The following GSE1 variants were observed in gnomAD, a reference collection of about 807,000 sequenced individuals.
GSE1 encodes Gse1 coiled-coil protein.
In GSE1, 32 loss-of-function variants were observed where a neutral mutation model predicts 112.6. The ratio of observed to expected loss-of-function variants is 0.28; its 90% CI spans 0.21 to 0.38. The LOEUF (loss-of-function observed/expected upper bound fraction) is 0.38. Among genes scored for constraint, GSE1 ranks in the 10% least tolerant of loss-of-function variants. The pLI is 1.00. For synonymous variants in GSE1, 1,115 were observed against 735.6 expected (o/e 1.52, Z -8.35); for missense variants, 2,348 against 1,699.2 (o/e 1.38, Z -6.71).
At chr16:85,537,326 G>A (rs539360276) in intron 2 of GSE1, among the ~76,000 whole-genome samples, 52 of 152,364 alleles carry the variant, frequency 3.4e-4, no homozygotes, top group African/African-American at 1.2e-3. Context: ...GAGCAGGGGA[G>A]TGGAGAGAGG....
intron 1 of GSE1, among the ~76,000 whole-genome samples, chr16:85,571,072 T>C (rs904342130): frequency 6.6e-6 from 1 of 152,212 alleles, no homozygotes; most frequent in African/African-American, 2.4e-5. Flanking sequence ...CCACAAACTG[T>C]ACTGTGTACT....
intron 2 of GSE1, among the ~76,000 whole-genome samples, chr16:85,477,949 G>C (rs888252646): frequency 6.6e-6 from 1 of 152,090 alleles, no homozygotes; most frequent in Admixed American, 6.6e-5. Context: ...CCATGGTGTT[G>C]AGTCATCACG....
intron 1 of GSE1, among the ~76,000 whole-genome samples, chr16:85,630,508 A>C (rs1272353841): frequency 6.6e-6 from 1 of 152,156 alleles, no homozygotes; most frequent in Non-Finnish European, 1.5e-5. Context: ...ATTTACAGAG[A>C]CAGCGTCTAT....
chr16:85,258,541 T>A (rs1257178944), intron 1 of GSE1, among the ~76,000 whole-genome samples: 1 of 152,180 alleles, frequency 6.6e-6, no homozygotes, highest in South Asian at 2.1e-4. Context: ...TGCCACCCCT[T>A]CCCGCCTGCC....
chr16:85,328,209 G>T (rs983819683), intron 1 of GSE1, among the ~76,000 whole-genome samples: 3 of 152,240 alleles, frequency 2.0e-5, no homozygotes, highest in African/African-American at 7.2e-5. Context: ...AGGCCTGGCA[G>T]GCCCCTTTCC....
chr16:85,317,556 G>C (rs2046012089), intron 1 of GSE1, among the ~76,000 whole-genome samples: 1 of 151,938 alleles, frequency 6.6e-6, no homozygotes, highest in South Asian at 2.1e-4. Flanking sequence ...CCCACAGTGA[G>C]TGTTGGTGAG....
intron 2 of GSE1, among the ~76,000 whole-genome samples, chr16:85,641,479 G>T (rs898709764): frequency 1.5e-4 from 23 of 151,856 alleles, no homozygotes; most frequent in African/African-American, 4.3e-4. Flanking sequence ...GACGCAGGCC[G>T]CGGGTCGGGA....
chr16:85,238,957 C>T (rs774643758), intron 1 of GSE1, among the ~76,000 whole-genome samples: 2 of 151,974 alleles, frequency 1.3e-5, no homozygotes, highest in African/African-American at 4.8e-5. Flanking sequence ...TGAGATGGAG[C>T]CTCGTTCTTG....
intron 1 of GSE1, among the ~76,000 whole-genome samples, chr16:85,586,655 C>T (rs956376544): frequency 3.9e-5 from 6 of 152,214 alleles, no homozygotes; most frequent in Admixed American, 2.0e-4. Flanking sequence ...CCCCGACTGC[C>T]GTGCTCCATG....
At chr16:85,433,972 G>A (rs1597741163) in intron 2 of GSE1, among the ~76,000 whole-genome samples, 1 of 152,120 alleles carries the variant, frequency 6.6e-6, no homozygotes, top group African/African-American at 2.4e-5. Flanking sequence ...TATCCCTAGT[G>A]GAAAGGGGGA....
chr16:85,225,428 G>A (rs558127257), intron 1 of GSE1, among the ~76,000 whole-genome samples: 1 of 152,296 alleles, frequency 6.6e-6, no homozygotes, highest in Admixed American at 6.5e-5. Flanking sequence ...CAGCAGGGCT[G>A]GAGCAGTGAG....
chr16:85,248,110 G>A (rs955537450), intron 1 of GSE1, among the ~76,000 whole-genome samples: 2 of 152,188 alleles, frequency 1.3e-5, no homozygotes, highest in African/African-American at 2.4e-5. Context: ...AGAGCTGCAG[G>A]TACAAATGGA....
intron 1 of GSE1, among the ~76,000 whole-genome samples, chr16:85,182,603 C>G (rs562464152): frequency 6.6e-6 from 1 of 152,356 alleles, no homozygotes; most frequent in African/African-American, 2.4e-5. Flanking sequence ...TGCAAGAGCA[C>G]TTCCCATTAA....
chr16:85,532,955 G>A (rs559289222), intron 2 of GSE1, among the ~76,000 whole-genome samples: 4 of 152,242 alleles, frequency 2.6e-5, no homozygotes, highest in African/African-American at 4.8e-5. Context: ...CATGCCCCAC[G>A]TACTCCAAAA....
At chr16:85,644,167 AAAACAAAC>A (rs375506689) in intron 2 of GSE1, among the ~76,000 whole-genome samples, 8 of 151,844 alleles carry the variant, frequency 5.3e-5, no homozygotes, top group Non-Finnish European at 1.2e-4. Flanking sequence ...GTCTCTACCA[AAAACAAAC>A]AAACAAACAA....
chr16:85,539,495 G>C (rs1003915543), intron 2 of GSE1, among the ~76,000 whole-genome samples: 1 of 152,204 alleles, frequency 6.6e-6, no homozygotes, highest in African/African-American at 2.4e-5. Flanking sequence ...GGCTTTTCGA[G>C]CCAAGGCTAT....
At chr16:85,452,358 G>A (rs1236778722) in intron 2 of GSE1, among the ~76,000 whole-genome samples, 1 of 152,164 alleles carries the variant, frequency 6.6e-6, no homozygotes, top group East Asian at 1.9e-4. Context: ...GAGCCTGTGT[G>A]TTCCCACTCT....
chr16:85,290,024 A>T (rs2045160202), intron 1 of GSE1, among the ~76,000 whole-genome samples: 1 of 152,058 alleles, frequency 6.6e-6, no homozygotes, highest in South Asian at 2.1e-4. Flanking sequence ...AAGGCCGGGG[A>T]GCAGAGGTCT....
Position 85,506,649 on chromosome 16 carries a change from G to A in GSE1, c.2465-127265G>A, listed in dbSNP as rs187460516. ...GTGTTTTCTTATATGTAGAGGGGGT[G>A]TGATTTCAATGCATTTCAACCTGGG... On this transcript the variant is annotated intron_variant, in intron 2 of 2. Transcript: ENST00000637419. Among the ~76,000 whole-genome samples the A allele has an allele frequency of 6.2e-3, 951 of 152,198 alleles. 6 individuals carry two copies. Among genetic ancestry groups the A allele is most frequent in the South Asian group, 0.011 (51 of 4,810 alleles).
Sources: gnomAD v4.1 joint callset for allele counts (sites outside exome capture counted in the v4.1 genomes callset) on GRCh38, gnomAD v4.1.1 for gene constraint, MANE v1.5 for transcripts, NCBI Gene and HGNC (gene_info 2026-07-23, HGNC 2026-07-21) for gene names.